The following ZNF211 variants were observed in gnomAD, a reference collection of about 807,000 sequenced individuals.
ZNF211 encodes the protein zinc finger protein 211, also known as zinc finger protein C2H2-25.
In ZNF211, 18 loss-of-function variants were observed where a neutral mutation model predicts 12.1. That is an observed-to-expected ratio of 1.48 (90% CI 1.03 to 2.20). The LOEUF (loss-of-function observed/expected upper bound fraction) is 2.20. Ranked by LOEUF, ZNF211 falls within the 30% of genes most tolerant of loss-of-function variation. The pLI, the probability that ZNF211 is intolerant of heterozygous loss-of-function variation, is 0.00. For synonymous variants in ZNF211, 249 were observed against 246.0 expected (o/e 1.01, Z -0.11); for missense variants, 677 against 703.1 (o/e 0.96, Z 0.42).
At chr19:57,640,563 C>T in intron 3 of ZNF211, 141 bp from the exon 4 acceptor site, 2 of 1,096,842 alleles carry the variant, frequency 1.8e-6, no homozygotes, top group South Asian at 1.7e-5. Flanking sequence ...CAGCTGCTTC[C>T]TCAACCTGAC....
At chr19:57,634,082 C>A (rs780099461) in intron 2 of ZNF211, 21 bp downstream of exon 2, 1 of 1,553,432 alleles carries the variant, frequency 6.4e-7, no homozygotes, top group Non-Finnish European at 8.7e-7. Context: ...GTATCTCAGC[C>A]CCTCACTGGT....
intron 3 of ZNF211, 45 bp downstream of exon 3, chr19:57,634,800 G>T (rs757775373): frequency 2.7e-6 from 4 of 1,470,670 alleles, no homozygotes; most frequent in Non-Finnish European, 2.7e-6. Flanking sequence ...TAGGCTCTCT[G>T]TTTCTCCTTT....
intron 3 of ZNF211, among the ~76,000 whole-genome samples, chr19:57,635,566 T>A (rs1396928298): frequency 1.3e-5 from 2 of 152,246 alleles, no homozygotes; most frequent in Non-Finnish European, 2.9e-5. Flanking sequence ...GTAATATATA[T>A]CAGAATTGCT....
intron 1 of ZNF211, 197 bp downstream of exon 1, chr19:57,633,633 G>A: frequency 6.5e-7 from 1 of 1,533,688 alleles, no homozygotes; most frequent in Non-Finnish European, 8.7e-7. Context: ...GGGCAACCGA[G>A]AAGGGGGCAT....
rs925245885 is a variant in ZNF211, at chr19:57,633,225, G to T, written c.-122G>T. On this transcript the variant is annotated 5_prime_UTR_variant, in exon 1 of 4. Transcript: ENST00000240731. Reference sequence around the variant, plus strand: ...ATTTTGGCTGCCCTCCCGGAGGTCCGTTCTGTCTGTCAGCCGCTTTGGTAC... The same window carrying T: ...ATTTTGGCTGCCCTCCCGGAGGTCCTTTCTGTCTGTCAGCCGCTTTGGTAC... 2 of 1,031,500 alleles carry T rather than the reference G, an allele frequency of 1.9e-6. No individual in the cohort carries two copies. The highest frequency in any genetic ancestry group is 3.3e-5 in the African/African-American group (2 of 59,974). The allele number at this position is 1,031,500 out of a possible 1,614,324, so 63.9% of individuals were successfully genotyped here. A position where few individuals can be genotyped will look rare whatever the true frequency, so the allele number is the denominator to read the frequency against.
In ZNF211 at chr19:57,643,932, A is replaced by G; in HGVS notation, c.*1751A>G. 6.6e-6 allele frequency among the ~76,000 whole-genome samples: 1 copy of G among 151,992 alleles called. No homozygotes were observed. Among genetic ancestry groups the G allele is most frequent in the South Asian group, 2.1e-4 (1 of 4,812 alleles). ...CTTATATGTGGTGGTCATTCTTTTT[A>G]TTGCTGAGTGGTATATTTTTTATGG... is the stretch of plus-strand genomic sequence containing the variant. On this transcript the variant is annotated 3_prime_UTR_variant, in exon 4 of 4. Transcript: ENST00000240731.
intron 3 of ZNF211, among the ~76,000 whole-genome samples, chr19:57,637,026 T>G (rs748053059): frequency 1.3e-5 from 2 of 152,364 alleles, no homozygotes; most frequent in Non-Finnish European, 2.9e-5. Context: ...GTAACTGATT[T>G]TTGCATGTTG....
chr19:57,638,562 C>A (rs904409260), intron 3 of ZNF211, among the ~76,000 whole-genome samples: 1 of 152,018 alleles, frequency 6.6e-6, no homozygotes, highest in Non-Finnish European at 1.5e-5. Flanking sequence ...ATTAAGAGTT[C>A]CCAACCTCAT....
At chr19:57,639,067 C>T (rs2122200544) in intron 3 of ZNF211, among the ~76,000 whole-genome samples, 1 of 152,148 alleles carries the variant, frequency 6.6e-6, no homozygotes, top group South Asian at 2.1e-4. Context: ...TTTTTGTAGG[C>T]TGTCACTTTC....
chr19:57,641,128 C>T lies in ZNF211; in HGVS notation c.681C>T (p.Asn227=). The change falls in exon 4 of 4, where the codon AAC becomes AAT. Residue 227 remains asparagine (N), a synonymous_variant. Coordinates refer to ENST00000240731, the MANE Select transcript of ZNF211 (RefSeq NM_006385.5). ...CTCAAACAGGGGAGAAGCCAAATAA[C>T]AGTAACAAGTGTGCGGTGGCCTTTT... is the stretch of plus-strand genomic sequence containing the variant. ...DATQTGEKPN[N]SNKCAVAFYS... is the part of the protein sequence containing the mutation. 2 of 1,614,212 alleles carry T rather than the reference C, an allele frequency of 1.2e-6. No individual in the cohort carries two copies. The highest frequency in any genetic ancestry group is 1.7e-6 in the Non-Finnish European group (2 of 1,180,038).
chr19:57,633,679 A>G (rs995253893), intron 1 of ZNF211: 3 of 1,534,014 alleles, frequency 2.0e-6, no homozygotes, highest in Non-Finnish European at 2.6e-6. Context: ...ACTGCAGGGA[A>G]CAAAGTTTGA....
rs1568643766 is a variant in ZNF211, at chr19:57,641,097, A to G, written c.650A>G (p.Asp217Gly). The change falls in exon 4 of 4, where the codon GAC becomes GGC. Residue 217 changes from aspartate (D) to glycine (G), a missense_variant. Coordinates refer to ENST00000240731, the MANE Select transcript of ZNF211 (RefSeq NM_006385.5). ...GCCAACATGAGGTTTCTCCATCAAG[A>G]CGCCACTCAAACAGGGGAGAAGCCA... ...FLANMRFLHQDATQTGEKPNN... is the reference protein window; with the variant it reads ...FLANMRFLHQGATQTGEKPNN... 1 of 1,614,152 alleles carries G rather than the reference A, an allele frequency of 6.2e-7. No individual in the cohort carries two copies.
chr19:57,642,091 G>T lies in ZNF211; in HGVS notation c.1644G>T (p.Arg548Ser), dbSNP rs1983045254. The T allele has an allele frequency of 6.2e-7, 1 of 1,613,998 alleles. No individual in the cohort carries two copies. Among genetic ancestry groups the T allele is most frequent in the African/African-American group, 1.3e-5 (1 of 74,926 alleles). The change falls in exon 4 of 4, where the codon AGG becomes AGT. Residue 548 changes from arginine (R) to serine (S), a missense_variant. Arg to Ser is a moderately radical substitution (Grantham distance 110). Transcript: ENST00000240731. ...ACCGCAGAGTTCACACGGGAAAAAGGCCTTATCAGTGCAGTCAATGTGGGA... is the reference window on the plus strand; with the variant it reads ...ACCGCAGAGTTCACACGGGAAAAAGTCCTTATCAGTGCAGTCAATGTGGGA... ...IQHRRVHTGKRPYQCSQCGKS... is the reference protein window; with the variant it reads ...IQHRRVHTGKSPYQCSQCGKS...
In ZNF211 at chr19:57,641,803, C is replaced by T; in HGVS notation, c.1356C>T (p.Ser452=). 1 of 1,613,940 alleles carries T rather than the reference C, an allele frequency of 6.2e-7. No homozygotes were observed. The highest frequency in any genetic ancestry group is 8.5e-7 in the Non-Finnish European group (1 of 1,179,986). ...KCGKSFKQSS[S]FSSHRKVHTG... Reference sequence around the variant, plus strand: ...GGAAGTCATTTAAGCAAAGCTCCAGCTTCAGTTCACATCGGAAAGTCCACA... The same window carrying T: ...GGAAGTCATTTAAGCAAAGCTCCAGTTTCAGTTCACATCGGAAAGTCCACA... Residue 452 remains serine, a synonymous_variant, in exon 4 of 4, where the codon AGC becomes AGT. Coordinates refer to ENST00000240731, the MANE Select transcript of ZNF211 (RefSeq NM_006385.5).
intron 3 of ZNF211, 38 bp from the exon 4 acceptor site, chr19:57,640,666 A>G: frequency 6.3e-7 from 1 of 1,596,402 alleles, no homozygotes; most frequent in Non-Finnish European, 8.6e-7. Flanking sequence ...CTCCTAATAA[A>G]GGTAACATGT....
In ZNF211 at chr19:57,639,408, CTTTTTTTTTTTTTTTTT is replaced by C. The variant is rs55696059; in HGVS notation, c.257-1281_257-1265del. 2.4e-4 allele frequency among the ~76,000 whole-genome samples: 5 copies of C among 20,764 alleles called. No individual in the cohort carries two copies. In the Admixed American group the frequency reaches 4.0e-3, roughly 17 times the overall value. 13.6% of individuals were successfully genotyped at this position (20,764 alleles called of 152,430 possible). A position where few individuals can be genotyped will look rare whatever the true frequency, so the allele number is the denominator to read the frequency against. ...CTTCCCTTGTCATTTCCTTTATGTA[CTTTTTTTTTTTTTTTTT>C]TTTTTTTTTTTTTTAATGGTGTCTC... is the stretch of plus-strand genomic sequence containing the variant. On this transcript the variant is annotated intron_variant, in intron 3 of 3. Transcript: ENST00000240731.
At chr19:57,640,132 C>T (rs1982701150) in intron 3 of ZNF211, 6 of 1,470,698 alleles carry the variant, frequency 4.1e-6, no homozygotes, top group Non-Finnish European at 5.4e-6. Flanking sequence ...TTGCCAGAGA[C>T]ACTTCACTTC....
At chr19:57,639,806 A>G (rs1982641407) in intron 3 of ZNF211, 1 of 1,229,860 alleles carries the variant, frequency 8.1e-7, no homozygotes, top group Admixed American at 2.9e-5. Flanking sequence ...ACAACACTCT[A>G]ACTTGAATTT....
In ZNF211 at chr19:57,633,365, G is replaced by C; in HGVS notation, c.19G>C (p.Gly7Arg). The C allele has an allele frequency of 6.3e-7, 1 of 1,598,416 alleles. No individual in the cohort carries two copies. Among genetic ancestry groups the C allele is most frequent in the Non-Finnish European group, 8.5e-7 (1 of 1,175,692 alleles). The change falls in exon 1 of 4, where the codon GGT becomes CGT. Residue 7 changes from glycine (G) to arginine (R), a missense_variant. By Grantham distance (125) the Gly-to-Arg change is moderately radical. Coordinates refer to ENST00000240731, the MANE Select transcript of ZNF211 (RefSeq NM_006385.5). MLGFPPGRPQLPVQLRP... is the reference protein window; with the variant it reads MLGFPPRRPQLPVQLRP... ...GATAGCGATGCTCGGGTTCCCCCCGGGTCGCCCGCAGCTCCCGGTCCAGCT... is the reference window on the plus strand; with the variant it reads ...GATAGCGATGCTCGGGTTCCCCCCGCGTCGCCCGCAGCTCCCGGTCCAGCT...
Sources: allele counts gnomAD v4.1 joint callset (sites outside exome capture counted in the v4.1 genomes callset), GRCh38; gene constraint gnomAD v4.1.1; transcripts MANE v1.5; gene names NCBI Gene and HGNC (gene_info 2026-07-23, HGNC 2026-07-21).